RTL4: variants seen among roughly 807,000 people sequenced by gnomAD.
RTL4 encodes retrotransposon Gag like 4.
RTL4 carries 4 observed loss-of-function variants against 5.3 expected under a neutral mutation model. The observed-to-expected ratio is 0.75, with a 90% CI of 0.37 to 1.72. The LOEUF (loss-of-function observed/expected upper bound fraction) is 1.72, where lower values mean the gene tolerates loss of function less well. RTL4 is among the 40% of genes most tolerant of loss of function. RTL4 has a pLI of 0.04. For synonymous variants in RTL4, 98 were observed against 87.3 expected (o/e 1.12, Z -0.68); for missense variants, 260 against 227.1 (o/e 1.14, Z -0.93).
At chrX:112,189,614 A>C in the RTL4 span, among the ~76,000 whole-genome samples, 1 of 110,876 alleles carries the variant, frequency 9.0e-6, no homozygotes, top group East Asian at 2.9e-4. Flanking sequence ...AATACAAAAA[A>C]TTAGCCAGGC....
the RTL4 span, among the ~76,000 whole-genome samples, chrX:112,247,558 T>A: frequency 8.9e-6 from 1 of 112,252 alleles, no homozygotes; most frequent in African/African-American, 3.2e-5. Flanking sequence ...CATTTTGTTT[T>A]CTCTTCAAGA....
At chrX:112,387,921 A>T in the RTL4 span, among the ~76,000 whole-genome samples, 2 of 111,574 alleles carry the variant, frequency 1.8e-5, no homozygotes, top group African/African-American at 6.6e-5. Context: ...ATGGTTCTTT[A>T]TGAACTTTAA....
At chrX:112,188,773 A>G in the RTL4 span, among the ~76,000 whole-genome samples, 5 of 111,366 alleles carry the variant, frequency 4.5e-5, no homozygotes, top group South Asian at 1.2e-3. Flanking sequence ...TGGGATGCTC[A>G]ACTATCCCCC....
chrX:112,150,750 T>G, the RTL4 span, among the ~76,000 whole-genome samples: 121 of 112,161 alleles, frequency 1.1e-3, 1 homozygote, highest in Non-Finnish European at 5.8e-4. Context: ...TGGATGGAAT[T>G]CCGGTTAAAT....
chrX:112,451,385 G>T (rs1033930959), upstream of RTL4, among the ~76,000 whole-genome samples: 24 of 110,810 alleles, frequency 2.2e-4, no homozygotes, highest in African/African-American at 7.6e-4. Flanking sequence ...TGTAGTCCTA[G>T]CTACCAGGGA....
At chrX:112,355,097 A>G in the RTL4 span, among the ~76,000 whole-genome samples, 1 of 111,641 alleles carries the variant, frequency 9.0e-6, no homozygotes, top group African/African-American at 3.3e-5. Context: ...TCAGCTGGGA[A>G]GAAATAAGCA....
chrX:112,218,055 G>A, the RTL4 span, among the ~76,000 whole-genome samples: 6 of 112,096 alleles, frequency 5.4e-5, no homozygotes, highest in Non-Finnish European at 1.1e-4. Context: ...TATAGGAAGA[G>A]TCAGGGTACC....
chrX:112,414,259 T>C, the RTL4 span, among the ~76,000 whole-genome samples: 14 of 111,939 alleles, frequency 1.3e-4, no homozygotes, highest in East Asian at 3.9e-3. Flanking sequence ...TTCTTTGTCA[T>C]GTTTTGAAAA....
At chrX:112,312,700 C>T in the RTL4 span, among the ~76,000 whole-genome samples, 2 of 111,145 alleles carry the variant, frequency 1.8e-5, no homozygotes, top group Non-Finnish European at 1.9e-5. Flanking sequence ...GTGCCAAAGA[C>T]AGAGTACATT....
At chrX:112,098,709 A>G in the RTL4 span, among the ~76,000 whole-genome samples, 1 of 111,640 alleles carries the variant, frequency 9.0e-6, no homozygotes, top group Non-Finnish European at 1.9e-5. Flanking sequence ...TCTGATGGCC[A>G]GTGATGATGA....
At chrX:112,264,635 T>C in the RTL4 span, among the ~76,000 whole-genome samples, 1 of 112,085 alleles carries the variant, frequency 8.9e-6, no homozygotes. Flanking sequence ...ACACTGTTTC[T>C]AGTGTTTAGT....
chrX:112,157,664 C>T, the RTL4 span, among the ~76,000 whole-genome samples: 3 of 112,105 alleles, frequency 2.7e-5, no homozygotes, highest in African/African-American at 9.7e-5. Flanking sequence ...TAACAGACAT[C>T]TGGCAACATT....
the RTL4 span, among the ~76,000 whole-genome samples, chrX:112,133,380 G>C: frequency 5.4e-5 from 6 of 111,838 alleles, no homozygotes; most frequent in East Asian, 1.7e-3. Flanking sequence ...CTGTCAGGGG[G>C]AAATGAAATG....
At chrX:112,442,230 G>C in the RTL4 span, among the ~76,000 whole-genome samples, 1 of 107,999 alleles carries the variant, frequency 9.3e-6, no homozygotes, top group Non-Finnish European at 1.9e-5. Context: ...ACTCATTGCT[G>C]TACATTTACA....
chrX:112,372,863 G>T, the RTL4 span, among the ~76,000 whole-genome samples: 1,967 of 111,699 alleles, frequency 0.018, 45 homozygotes, highest in African/African-American at 0.06. Context: ...TTGCCTGTAT[G>T]TGTGGTGGTA....
chrX:112,130,261 G>A, the RTL4 span, among the ~76,000 whole-genome samples: 1 of 74,376 alleles, frequency 1.3e-5, no homozygotes, highest in Admixed American at 1.5e-4. Context: ...TTTTTTTTTT[G>A]AGACGGAGTC....
the RTL4 span, among the ~76,000 whole-genome samples, chrX:112,110,608 A>G: frequency 8.9e-6 from 1 of 111,803 alleles, no homozygotes; most frequent in Non-Finnish European, 1.9e-5. Flanking sequence ...TAAGTTTGGG[A>G]TTTCAATTAT....
the RTL4 span, among the ~76,000 whole-genome samples, chrX:112,116,709 T>C: frequency 9.0e-6 from 1 of 111,468 alleles, no homozygotes; most frequent in Non-Finnish European, 1.9e-5. Context: ...ATTTTACAAT[T>C]CTCTCGTAAG....
chrX:112,236,921 G>A, the RTL4 span, among the ~76,000 whole-genome samples: 1 of 111,440 alleles, frequency 9.0e-6, no homozygotes, highest in Non-Finnish European at 1.9e-5. Flanking sequence ...GTCCTCATAA[G>A]AGAGGGCCAG....
Sources: gnomAD v4.1 joint callset for allele counts (sites outside exome capture counted in the v4.1 genomes callset) on GRCh38, gnomAD v4.1.1 for gene constraint, MANE v1.5 for transcripts, NCBI Gene and HGNC (gene_info 2026-07-23, HGNC 2026-07-21) for gene names.